Variants in ZNF667 observed in about 807,000 individuals in gnomAD.
ZNF667 encodes the protein myocardial ischemic preconditioning upregulated 1 ortholog.
ZNF667 carries 13 observed loss-of-function variants against 31.8 expected under a neutral mutation model. That is an observed-to-expected ratio of 0.41 (90% CI 0.27 to 0.65). ZNF667 has a LOEUF of 0.65. ZNF667 is among the 30% of genes least tolerant of loss of function. The pLI, the probability that ZNF667 is intolerant of heterozygous loss-of-function variation, is 0.32. For synonymous variants in ZNF667, 228 were observed against 247.1 expected, an observed-to-expected ratio of 0.92 and a Z score of 0.73; for missense variants, 642 against 725.6, an observed-to-expected ratio of 0.88 and a Z score of 1.32.
chr19:56,466,844 C>A (rs1006671094), intron 3 of ZNF667: 1 of 371,884 alleles, frequency 2.7e-6, no homozygotes, highest in Non-Finnish European at 5.4e-6. Context: ...ACAGCCCTAC[C>A]TTTAGTGAGT....
chr19:56,449,099 G>C (rs974254448), intron 6 of ZNF667: 9 of 178,818 alleles, frequency 5.0e-5, no homozygotes, highest in Non-Finnish European at 1.1e-4. Flanking sequence ...AGAGTTACTG[G>C]CCATGGGGTG....
intron 3 of ZNF667, among the ~76,000 whole-genome samples, chr19:56,467,361 C>T (rs1227941035): frequency 4.6e-5 from 7 of 151,840 alleles, no homozygotes; most frequent in Non-Finnish European, 8.8e-5. Context: ...ATCTTGGGGG[C>T]GGGGGAAATT....
chr19:56,447,341 A>G (rs1348609955), intron 6 of ZNF667, among the ~76,000 whole-genome samples: 1 of 152,218 alleles, frequency 6.6e-6, no homozygotes, highest in Admixed American at 6.5e-5. Flanking sequence ...TCACGAAAAA[A>G]CAATTCACGA....
Position 56,442,757 on chromosome 19 carries a change from G to A in ZNF667, c.254-16C>T. On this transcript the variant is annotated splice_polypyrimidine_tract_variant and intron_variant, in intron 6 of 6. Coordinates refer to ENST00000504904, the MANE Select transcript of ZNF667 (RefSeq NM_001321356.2). ...GACCCCGAGTCTGAAAGACATAAAG[G>A]AATTAAATGTTTCTCCTTTTCCATG... 6.6e-7 allele frequency: 1 copy of A among 1,510,390 alleles called. No individual in the cohort carries two copies. 93.6% of individuals were successfully genotyped at this position (1,510,390 alleles called of 1,614,324 possible).
intron 5 of ZNF667, among the ~76,000 whole-genome samples, chr19:56,459,354 C>T (rs2042997146): frequency 6.6e-6 from 1 of 152,150 alleles, no homozygotes; most frequent in Admixed American, 6.5e-5. Context: ...AGGGTGGGGG[C>T]CTTGCTGTCT....
At chr19:56,453,131 G>T (rs2042869000) in intron 6 of ZNF667, among the ~76,000 whole-genome samples, 1 of 152,016 alleles carries the variant, frequency 6.6e-6, no homozygotes, top group Non-Finnish European at 1.5e-5. Flanking sequence ...AGAAGAAATA[G>T]ATAAATTCCT....
chr19:56,449,523 T>A (rs145953536), intron 6 of ZNF667: 2 of 276,400 alleles, frequency 7.2e-6, no homozygotes, highest in Non-Finnish European at 7.3e-6. Context: ...CTACTAAAAA[T>A]AAAAAAAAAT....
intron 3 of ZNF667, among the ~76,000 whole-genome samples, chr19:56,466,480 C>T (rs1279655388): frequency 6.6e-6 from 1 of 152,118 alleles, no homozygotes; most frequent in Non-Finnish European, 1.5e-5. Context: ...TGTGGTTTCC[C>T]AGCCCCTCAG....
chr19:56,459,598 A>G (rs1163638788), intron 5 of ZNF667, among the ~76,000 whole-genome samples: 4 of 151,950 alleles, frequency 2.6e-5, no homozygotes, highest in African/African-American at 4.8e-5. Flanking sequence ...TGTCCCTCCA[A>G]CCCCAGGAAT....
chr19:56,451,868 C>CAAAAAAAAAAAAAAAAAAAAA (rs71184363), intron 6 of ZNF667, among the ~76,000 whole-genome samples: 1 of 80,976 alleles, frequency 1.2e-5, no homozygotes, highest in Non-Finnish European at 2.2e-5. Flanking sequence ...GACCCTGTCT[C>CAAAAAAAAAAAAAAAAAAAAA]AAAAAAAAAA....
At chr19:56,452,049 CTTT>C (rs1342164454) in intron 6 of ZNF667, among the ~76,000 whole-genome samples, 11 of 139,262 alleles carry the variant, frequency 7.9e-5, no homozygotes, top group Non-Finnish European at 9.4e-5. Flanking sequence ...GAAGAAATCT[CTTT>C]TTTTTTTTTT....
rs772426181 is a variant in ZNF667, at chr19:56,442,339, A to T, written c.656T>A (p.Met219Lys). 2.5e-6 allele frequency: 4 copies of T among 1,614,004 alleles called. No homozygotes were observed. The highest frequency in any genetic ancestry group is 3.3e-4 in the Middle Eastern group (2 of 6,060). ...AATTTCCTTTCCATCATGAATTCTC[A>T]TATGTAGAATAAGGGTTGTTCTTTG... is the stretch of plus-strand genomic sequence containing the variant. ...FNQRTTLILH[M>K]RIHDGKEILD... The change falls in exon 7 of 7, where the codon ATG (methionine) becomes AAG (lysine). Residue 219 changes from methionine to lysine, a missense_variant. Met to Lys is a moderately conservative substitution (Grantham distance 95). Coordinates refer to ENST00000504904, the MANE Select transcript of ZNF667 (RefSeq NM_001321356.2).
chr19:56,441,765 C>T lies in ZNF667; in HGVS notation c.1230G>A (p.Lys410=). The T allele has an allele frequency of 6.2e-7, 1 of 1,613,946 alleles. No homozygotes were observed. Among genetic ancestry groups the T allele is most frequent in the East Asian group, 2.2e-5 (1 of 44,872 alleles). The part of the protein sequence containing the change: ...SLIQHQKVHT[K]KKKLFECKEC... ...CCTTACACTCAAATAGTTTCTTTTT[C>T]TTTGTATGAACTTTCTGATGTTGAA... The change falls in exon 7 of 7, where the codon AAG becomes AAA. Residue 410 remains lysine (K), a synonymous_variant. Transcript: ENST00000504904. The surrounding 1 kb of genome is among the most constrained non-coding windows in gnomAD (Gnocchi z 4.2).
In ZNF667 at chr19:56,441,877, AG is replaced by A. The variant is rs752539401; in HGVS notation, c.1117del (p.Ile374PhefsTer4). ...CDKFFRRLST[L>X]ILHLRIHNGE... ...ATTATGAATTCTTAGATGCAGAATA[AG>A]GGTTGAAAGCCGCCTGAAGAACTTG... On this transcript the variant is annotated frameshift_variant, in exon 7 of 7. Transcript: ENST00000504904. LOFTEE classifies it high-confidence loss of function. This position sits in a 1 kb window ranked among gnomAD's most constrained non-coding sequence, Gnocchi z 4.2. The A allele has an allele frequency of 6.2e-7, 1 of 1,614,196 alleles. No individual in the cohort carries two copies. Among genetic ancestry groups the A allele is most frequent in the East Asian group, 2.2e-5 (1 of 44,876 alleles).
intron 6 of ZNF667, among the ~76,000 whole-genome samples, chr19:56,451,601 G>A (rs1281939616): frequency 6.6e-6 from 1 of 152,058 alleles, no homozygotes; most frequent in African/African-American, 2.4e-5. Flanking sequence ...GGGTGCACTG[G>A]CTCACACCTC....
At chr19:56,448,597 G>C (rs1204504758) in intron 6 of ZNF667, among the ~76,000 whole-genome samples, 2 of 151,306 alleles carry the variant, frequency 1.3e-5, no homozygotes, top group African/African-American at 2.4e-5. Flanking sequence ...GAAGAGTAAA[G>C]AGGACGTTGT....
Position 56,441,960 on chromosome 19 carries a change from CAG to C in ZNF667, c.1033_1034del (p.Leu345AspfsTer16). The C allele has an allele frequency of 6.2e-7, 1 of 1,614,036 alleles. No individual in the cohort carries two copies. The highest frequency in any genetic ancestry group is 8.5e-7 in the Non-Finnish European group (1 of 1,179,994). ...CGKLFNRISP[L>X]MLHQRIHTSE... ...AAGTGTGAATTCTCTGGTGAAGCATCAGGGGTGAAATCCTATTAAATAATTTC... is the reference window on the plus strand; with the variant it reads ...AAGTGTGAATTCTCTGGTGAAGCATCGGGTGAAATCCTATTAAATAATTTC... On this transcript the variant is annotated frameshift_variant, in exon 7 of 7. Coordinates refer to ENST00000504904, the MANE Select transcript of ZNF667 (RefSeq NM_001321356.2). LOFTEE classifies it high-confidence loss of function. This position sits in a 1 kb window ranked among gnomAD's most constrained non-coding sequence, Gnocchi z 4.2.
rs1270895046 is a variant in ZNF667 at position 56,441,646 on chromosome 19, T to G, written c.1349A>C (p.Lys450Thr). 1 of 1,613,992 alleles carries G rather than the reference T, an allele frequency of 6.2e-7. No individual in the cohort carries two copies. The highest frequency in any genetic ancestry group is 1.3e-5 in the African/African-American group (1 of 74,908). The stretch of plus-strand genomic sequence containing the variant: ...AAGAAATGATTGGCGGCCGAAAACT[T>G]TACTACATTTATTGCATTTGAAAGG... Reference protein sequence around the residue: ...EKPFKCNKCSKVFGRQSFLIE... With the variant: ...EKPFKCNKCSTVFGRQSFLIE... The change falls in exon 7 of 7, where the codon AAA becomes ACA. Residue 450 changes from lysine to threonine, a missense_variant. Coordinates refer to ENST00000504904, the MANE Select transcript of ZNF667 (RefSeq NM_001321356.2). The surrounding 1 kb of genome is among the most constrained non-coding windows in gnomAD (Gnocchi z 4.2).
At position 56,467,092 on chromosome 19, in the gene ZNF667, T is replaced by C. The variant is rs570082647; in HGVS notation, c.-60+4607A>G. 93 of 456,210 alleles carry C rather than the reference T, an allele frequency of 2.0e-4. 1 individual carries two copies. Among genetic ancestry groups the C allele is most frequent in the South Asian group, 1.4e-3 (88 of 64,404 alleles). 28.3% of individuals were successfully genotyped at this position (456,210 alleles called of 1,614,324 possible). A position where few individuals can be genotyped will look rare whatever the true frequency, so the allele number is the denominator to read the frequency against. Reference sequence around the variant, plus strand: ...CTGGGCAAGAAGGGGCGGGGTCCCATGCAGGTGAGCCATGGTCCAGGAGGG... The same window carrying C: ...CTGGGCAAGAAGGGGCGGGGTCCCACGCAGGTGAGCCATGGTCCAGGAGGG... On this transcript the variant is annotated intron_variant, in intron 3 of 6. Coordinates refer to ENST00000504904, the MANE Select transcript of ZNF667 (RefSeq NM_001321356.2).
Sources: allele counts gnomAD v4.1 joint callset (sites outside exome capture counted in the v4.1 genomes callset), GRCh38; gene constraint gnomAD v4.1.1; non-coding constraint Gnocchi (gnomAD v3.1); transcripts MANE v1.5; gene names NCBI Gene and HGNC (gene_info 2026-07-23, HGNC 2026-07-21).